Variants in SLC39A12 observed in about 807,000 individuals in gnomAD.
SLC39A12 encodes solute carrier family 39 member 12.
SLC39A12 carries 63 observed loss-of-function variants against 71.1 expected under a neutral mutation model. The observed-to-expected ratio is 0.89, with a 90% CI of 0.72 to 1.09. The LOEUF (loss-of-function observed/expected upper bound fraction) is 1.09. Ranked by LOEUF, SLC39A12 falls within the 50% of genes least tolerant of loss-of-function variation. The pLI is 0.00. For synonymous variants in SLC39A12, 351 were observed against 301.3 expected (o/e 1.16, Z -1.71); for missense variants, 892 against 812.6 (o/e 1.10, Z -1.19).
In SLC39A12 at chr10:18,003,167, T is replaced by G. The variant is rs1269124676; in HGVS notation, c.1760-4T>G. 1.9e-6 allele frequency: 3 copies of G among 1,611,302 alleles called. No individual in the cohort carries two copies. The highest frequency in any genetic ancestry group is 2.5e-6 in the Non-Finnish European group (3 of 1,179,196). ...TTATATTTTCCTTTCCTCTTAAACT[T>G]CAGGAGACTTTGCCGTGCTCTTAAG... is the stretch of plus-strand genomic sequence containing the variant. On this transcript the variant is annotated splice_region_variant and splice_polypyrimidine_tract_variant and intron_variant, in intron 11 of 12. Coordinates refer to ENST00000377369, the MANE Select transcript of SLC39A12 (RefSeq NM_001145195.2).
At position 18,013,751 on chromosome 10, in the gene SLC39A12, C is replaced by T. The variant is rs1229112847; in HGVS notation, c.1947+10393C>T. 2.0e-5 allele frequency among the ~76,000 whole-genome samples: 3 copies of T among 152,248 alleles called. No individual in the cohort carries two copies. The East Asian group carries it at 5.8e-4, about 29-fold the overall frequency. ...TCCTTTGACCATTGAATGGTTTTGG[C>T]ACCCTTGTTGAAAATCAATTGATCA... On this transcript the variant is annotated intron_variant, in intron 12 of 12. Coordinates refer to ENST00000377369, the MANE Select transcript of SLC39A12 (RefSeq NM_001145195.2).
chr10:18,002,607 C>G (rs1214407061), intron 11 of SLC39A12: 2 of 152,130 alleles, frequency 1.3e-5, no homozygotes, highest in Non-Finnish European at 2.9e-5. Context: ...CTCAGATTTA[C>G]TAACAGGTCA....
intron 12 of SLC39A12, among the ~76,000 whole-genome samples, chr10:18,028,628 C>G (rs752488613): frequency 5.9e-5 from 9 of 152,164 alleles, no homozygotes; most frequent in Non-Finnish European, 1.0e-4. Flanking sequence ...CCTGATGGTT[C>G]TCCTAATTTC....
chr10:17,994,188 G>A (rs1261817533), intron 9 of SLC39A12, among the ~76,000 whole-genome samples: 2 of 152,060 alleles, frequency 1.3e-5, no homozygotes, highest in Non-Finnish European at 2.9e-5. Flanking sequence ...CTTTAATACT[G>A]ACCTTATTCC....
intron 12 of SLC39A12, among the ~76,000 whole-genome samples, chr10:18,038,018 C>CAAA (rs763211521): frequency 0.021 from 310 of 14,972 alleles, 105 homozygotes; most frequent in Non-Finnish European, 0.024. Flanking sequence ...GCCTCCATCT[C>CAAA]AAAAAAAAAA....
intron 12 of SLC39A12, among the ~76,000 whole-genome samples, chr10:18,023,766 T>C (rs896997989): frequency 1.3e-5 from 2 of 152,130 alleles, no homozygotes; most frequent in African/African-American, 4.8e-5. Context: ...ATGGCTGAGA[T>C]TCTAGGTTGT....
intron 12 of SLC39A12, among the ~76,000 whole-genome samples, chr10:18,019,273 A>G (rs1836464988): frequency 6.6e-6 from 1 of 151,758 alleles, no homozygotes; most frequent in Admixed American, 6.6e-5. Context: ...AGTACTTTGT[A>G]TCTTCTCTCC....
intron 4 of SLC39A12, among the ~76,000 whole-genome samples, chr10:17,966,963 G>A (rs1003555125): frequency 6.6e-6 from 1 of 150,560 alleles, no homozygotes; most frequent in Non-Finnish European, 1.5e-5. Flanking sequence ...GACAGAGCGA[G>A]ATTCCATCTC....
At chr10:18,032,830 A>G (rs1475689402) in intron 12 of SLC39A12, among the ~76,000 whole-genome samples, 3 of 147,600 alleles carry the variant, frequency 2.0e-5, no homozygotes, top group Non-Finnish European at 3.0e-5. Context: ...TCCCATCAAT[A>G]CCTAATTTAT....
At chr10:17,953,608 A>G (rs1283985362) in intron 2 of SLC39A12, 71 bp downstream of exon 2, 30 of 1,517,832 alleles carry the variant, frequency 2.0e-5, no homozygotes, top group Non-Finnish European at 2.7e-5. Flanking sequence ...ATAGGGATTT[A>G]TTTCAGTAAA....
rs1378526572 is a variant in SLC39A12, at chr10:18,036,775, TATATATATATA to T, written c.1948-5929_1948-5919del. On this transcript the variant is annotated intron_variant, in intron 12 of 12. Coordinates refer to ENST00000377369, the MANE Select transcript of SLC39A12 (RefSeq NM_001145195.2). ...ATATATATATATATATATATATATA[TATATATATATA>T]TATATATATTTTTTTTTTTAATGGA... Among the ~76,000 whole-genome samples the T allele has an allele frequency of 2.2e-3, 50 of 22,274 alleles. 4 individuals are homozygous for T. Among genetic ancestry groups the T allele is most frequent in the Non-Finnish European group, 2.5e-3 (28 of 11,088 alleles). 14.6% of individuals were successfully genotyped at this position (22,274 alleles called of 152,430 possible). A position where few individuals can be genotyped will look rare whatever the true frequency, so the allele number is the denominator to read the frequency against.
At chr10:17,990,330 G>A (rs1485130061) in intron 7 of SLC39A12, among the ~76,000 whole-genome samples, 1 of 152,014 alleles carries the variant, frequency 6.6e-6, no homozygotes, top group Non-Finnish European at 1.5e-5. Flanking sequence ...ATATATGTAT[G>A]TACACATAAA....
At chr10:17,973,729 C>G (rs1000939534) in intron 4 of SLC39A12, among the ~76,000 whole-genome samples, 2 of 152,008 alleles carry the variant, frequency 1.3e-5, no homozygotes, top group Non-Finnish European at 2.9e-5. Context: ...TGGGTCAAAT[C>G]TGCTTGGTGT....
chr10:17,992,576 CT>C (rs1468221106), intron 8 of SLC39A12, among the ~76,000 whole-genome samples: 1 of 152,178 alleles, frequency 6.6e-6, no homozygotes, highest in Non-Finnish European at 1.5e-5. Flanking sequence ...CAAATCCCCA[CT>C]TATACCCAAT....
chr10:18,033,601 G>A (rs1027544190), intron 12 of SLC39A12, among the ~76,000 whole-genome samples: 8 of 145,110 alleles, frequency 5.5e-5, no homozygotes, highest in South Asian at 4.5e-4. Flanking sequence ...CAAAAAACCA[G>A]CTCCTGGATT....
chr10:17,986,100 A>C (rs1007075668), intron 6 of SLC39A12, among the ~76,000 whole-genome samples: 1 of 152,222 alleles, frequency 6.6e-6, no homozygotes, highest in African/African-American at 2.4e-5. Flanking sequence ...CAATACTGCC[A>C]AACCTTATGC....
At chr10:18,014,754 C>A (rs1314797588) in intron 12 of SLC39A12, among the ~76,000 whole-genome samples, 1 of 152,152 alleles carries the variant, frequency 6.6e-6, no homozygotes, top group Non-Finnish European at 1.5e-5. Context: ...TTCACTAGAG[C>A]AACTTTTCTG....
At chr10:17,991,063 C>T in intron 7 of SLC39A12, 88 bp from the exon 8 acceptor site, 1 of 1,233,772 alleles carries the variant, frequency 8.1e-7, no homozygotes, top group South Asian at 1.8e-5. Context: ...TAAATATATT[C>T]AACACTGGGC....
chr10:17,956,775 A>T (rs890969794), intron 2 of SLC39A12, among the ~76,000 whole-genome samples: 7 of 152,218 alleles, frequency 4.6e-5, no homozygotes, highest in Non-Finnish European at 7.3e-5. Context: ...AGCCCCTGAC[A>T]TAACTGTCAT....
Sources: gnomAD v4.1 joint callset for allele counts (sites outside exome capture counted in the v4.1 genomes callset) on GRCh38, gnomAD v4.1.1 for gene constraint, MANE v1.5 for transcripts, NCBI Gene and HGNC (gene_info 2026-07-23, HGNC 2026-07-21) for gene names.